The following SLC25A51 variants were observed in gnomAD, a reference collection of about 807,000 sequenced individuals.
The protein encoded by SLC25A51 is solute carrier family 25 member 51, also known as mitochondrial nicotinamide adenine dinucleotide transporter SLC25A51.
A neutral mutation model predicts 19.1 loss-of-function variants in SLC25A51; 11 were observed. The ratio of observed to expected loss-of-function variants is 0.58; its 90% CI spans 0.36 to 0.96. The LOEUF (loss-of-function observed/expected upper bound fraction) is 0.96, where lower values mean the gene tolerates loss of function less well. SLC25A51 is among the 40% of genes least tolerant of loss of function. The pLI is 0.01. For missense variants in SLC25A51, 201 were observed against 365.4 expected (o/e 0.55, Z 3.67); for synonymous variants, 105 against 133.6 (o/e 0.79, Z 1.47).
At chr9:37,883,319 GT>G (rs1831385152), downstream of SLC25A51, among the ~76,000 whole-genome samples, 1 of 152,062 alleles carries the variant, frequency 6.6e-6, no homozygotes, top group African/African-American at 2.4e-5. Flanking sequence ...ACCATCCCTG[GT>G]AATGTATTTG....
downstream of SLC25A51, chr9:37,878,485 G>A: frequency 5.0e-6 from 1 of 198,866 alleles, no homozygotes; most frequent in Admixed American, 5.2e-5. Context: ...CTAAAGTGGA[G>A]ATGTTTTTCA....
chr9:37,885,664 G>A, downstream of SLC25A51: 1 of 1,056,606 alleles, frequency 9.5e-7, no homozygotes, highest in Non-Finnish European at 1.5e-6. Context: ...GAACCCCAAA[G>A]GAGTTGCCCG....
chr9:37,900,833 G>A (rs577598228), intron 1 of SLC25A51, among the ~76,000 whole-genome samples: 1 of 152,298 alleles, frequency 6.6e-6, no homozygotes, highest in African/African-American at 2.4e-5. Context: ...AGCAGCTTGT[G>A]AATTACCAAT....
At chr9:37,885,420 A>C (rs1831431670), downstream of SLC25A51, among the ~76,000 whole-genome samples, 1 of 151,704 alleles carries the variant, frequency 6.6e-6, no homozygotes, top group Admixed American at 6.6e-5. Flanking sequence ...ATGCTTAAGG[A>C]AAAAAGCTTT....
At chr9:37,887,006 AC>A (rs1379790572), downstream of SLC25A51, among the ~76,000 whole-genome samples, 2 of 136,458 alleles carry the variant, frequency 1.5e-5, no homozygotes, top group African/African-American at 5.6e-5. Flanking sequence ...TACTAAAAAT[AC>A]AAAAAAAAAA....
At chr9:37,887,580 A>AG, downstream of SLC25A51, 1 of 1,489,746 alleles carries the variant, frequency 6.7e-7, no homozygotes, top group East Asian at 2.3e-5. Flanking sequence ...CTTTAAAAAA[A>AG]AAAAAAAAAG....
At chr9:37,894,615 T>C (rs1250125202) in intron 2 of SLC25A51, among the ~76,000 whole-genome samples, 2 of 152,174 alleles carry the variant, frequency 1.3e-5, no homozygotes, top group Admixed American at 6.5e-5. Flanking sequence ...TATGAGCCAC[T>C]GGCCTGGCCT....
chr9:37,895,559 T>C (rs759514464), intron 2 of SLC25A51, among the ~76,000 whole-genome samples: 9 of 152,174 alleles, frequency 5.9e-5, no homozygotes, highest in African/African-American at 9.7e-5. Flanking sequence ...TTCTTTACTA[T>C]ACATTTTCAT....
chr9:37,901,779 A>G (rs1243489737), intron 1 of SLC25A51, among the ~76,000 whole-genome samples: 1 of 152,188 alleles, frequency 6.6e-6, no homozygotes, highest in Non-Finnish European at 1.5e-5. Flanking sequence ...TATGTTCTAG[A>G]CACTGAAGTC....
downstream of SLC25A51, chr9:37,878,821 T>C (rs950128985): frequency 6.4e-6 from 1 of 156,042 alleles, no homozygotes; most frequent in Non-Finnish European, 1.4e-5. Flanking sequence ...TTTAAAAAAA[T>C]AGAGCCAGTC....
At chr9:37,883,670 C>A (rs959398240), downstream of SLC25A51, among the ~76,000 whole-genome samples, 1 of 152,236 alleles carries the variant, frequency 6.6e-6, no homozygotes, top group Admixed American at 6.5e-5. Context: ...CAAAGTCACA[C>A]GCATGATTGA....
At chr9:37,887,260 T>C (rs1307652238), downstream of SLC25A51, among the ~76,000 whole-genome samples, 1 of 149,658 alleles carries the variant, frequency 6.7e-6, no homozygotes, top group African/African-American at 2.5e-5. Context: ...GAGGTTGCAG[T>C]GAGCCAAGAT....
At chr9:37,886,100 G>C, downstream of SLC25A51, 1 of 1,496,158 alleles carries the variant, frequency 6.7e-7, no homozygotes. Context: ...ACGCTATACT[G>C]ATGTTAGTAC....
At chr9:37,899,509 C>T (rs929095897) in intron 2 of SLC25A51, among the ~76,000 whole-genome samples, 1 of 152,064 alleles carries the variant, frequency 6.6e-6, no homozygotes, top group African/African-American at 2.4e-5. Flanking sequence ...GGACCACACA[C>T]GTGCGCCACC....
intron 2 of SLC25A51, among the ~76,000 whole-genome samples, chr9:37,898,905 T>C (rs1160874736): frequency 6.6e-6 from 1 of 152,186 alleles, no homozygotes; most frequent in Non-Finnish European, 1.5e-5. Flanking sequence ...GGTCAAATGC[T>C]TTTAGAAAGC....
chr9:37,887,570 CT>C, downstream of SLC25A51: 12 of 1,313,234 alleles, frequency 9.1e-6, no homozygotes, highest in African/African-American at 1.6e-5. Flanking sequence ...TTGGGATTTC[CT>C]TTAAAAAAAA....
rs1831510941 is a variant in SLC25A51 at position 37,888,464 on chromosome 9, A to C, written c.87T>G (p.Gly29=). 1.2e-6 allele frequency: 2 copies of C among 1,614,262 alleles called. No individual in the cohort carries two copies. The highest frequency in any genetic ancestry group is 1.7e-6 in the Non-Finnish European group (2 of 1,180,034). The change falls in exon 3 of 3, where the codon GGT becomes GGG. Residue 29 remains glycine, a synonymous_variant. Coordinates refer to ENST00000242275, the MANE Select transcript of SLC25A51 (RefSeq NM_033412.4). ...AGCCACACAAGTAATGCTTCATCTC[A>C]CCAACATTTGTAATATGAGGTGATA... is the stretch of plus-strand genomic sequence containing the variant. ...QDISPHITNV[G]EMKHYLCGCC... is the part of the protein sequence containing the mutation.
At chr9:37,878,674 G>A (rs1300562098), downstream of SLC25A51, 1 of 154,620 alleles carries the variant, frequency 6.5e-6, no homozygotes, top group African/African-American at 2.4e-5. Context: ...TTGATATGAA[G>A]ATTGAATTTG....
Position 37,888,242 on chromosome 9 carries a change from C to T in SLC25A51, c.309G>A (p.Glu103=). ...TTLALMFGLY[E]DLSCLLHKHV... ...GCTTGTGGAGAAGGCAGGATAAATCCTCATACAGACCAAACATAAGTGCAA... is the reference window on the plus strand; with the variant it reads ...GCTTGTGGAGAAGGCAGGATAAATCTTCATACAGACCAAACATAAGTGCAA... Residue 103 remains glutamate, a synonymous_variant, in exon 3 of 3, where the codon GAG becomes GAA. Coordinates refer to ENST00000242275, the MANE Select transcript of SLC25A51 (RefSeq NM_033412.4). The T allele has an allele frequency of 1.9e-6, 3 of 1,614,198 alleles. No homozygotes were observed. The highest frequency in any genetic ancestry group is 1.7e-6 in the Non-Finnish European group (2 of 1,180,042).
Sources: gnomAD v4.1 joint callset for allele counts (sites outside exome capture counted in the v4.1 genomes callset) on GRCh38, gnomAD v4.1.1 for gene constraint, MANE v1.5 for transcripts, NCBI Gene and HGNC (gene_info 2026-07-23, HGNC 2026-07-21) for gene names.